The following PLCD3 variants were observed in gnomAD, a reference collection of about 807,000 sequenced individuals.
PLCD3 encodes phospholipase C delta 3.
PLCD3 carries 62 observed loss-of-function variants against 82.8 expected under a neutral mutation model. That is an observed-to-expected ratio of 0.75 (90% CI 0.61 to 0.93). The LOEUF (loss-of-function observed/expected upper bound fraction) is 0.93, where lower values mean the gene tolerates loss of function less well. PLCD3 is among the 40% of genes least tolerant of loss of function. The pLI, the probability that PLCD3 is intolerant of heterozygous loss-of-function variation, is 0.00. For synonymous variants in PLCD3, 478 were observed against 471.8 expected (o/e 1.01, Z -0.17); for missense variants, 1,023 against 1,103.4 (o/e 0.93, Z 1.03).
intron 4 of PLCD3, 69 bp from the exon 5 acceptor site, chr17:45,119,112 G>T: frequency 8.2e-7 from 1 of 1,222,558 alleles, no homozygotes; most frequent in Non-Finnish European, 1.1e-6. Flanking sequence ...TGACCCATCT[G>T]TCATCTACCA....
chr17:45,111,929 T>G lies in PLCD3; in HGVS notation c.*687A>C, dbSNP rs1265023589. The G allele has an allele frequency of 6.6e-6, 1 of 152,048 alleles. No individual in the cohort carries two copies. The highest frequency in any genetic ancestry group is 1.5e-5 in the Non-Finnish European group (1 of 68,212). 9.4% of individuals were successfully genotyped at this position (152,048 alleles called of 1,614,324 possible). A position where few individuals can be genotyped will look rare whatever the true frequency, so the allele number is the denominator to read the frequency against. ...GGCCTGTGCCTGTAGTCCCAGCTAC[T>G]CAGGAGGCTGAGATGGGAGGATCGC... On this transcript the variant is annotated 3_prime_UTR_variant, in exon 15 of 15. Transcript: ENST00000619929.
chr17:45,115,001 C>T, intron 10 of PLCD3, 93 bp downstream of exon 10: 1 of 1,486,272 alleles, frequency 6.7e-7, no homozygotes, highest in Non-Finnish European at 9.0e-7. Flanking sequence ...GACCTCTTTA[C>T]TGTCCCCCAA....
intron 1 of PLCD3, among the ~76,000 whole-genome samples, chr17:45,131,545 G>T (rs947404275): frequency 6.6e-6 from 1 of 152,244 alleles, no homozygotes; most frequent in Non-Finnish European, 1.5e-5. Context: ...ATTCCTTGCC[G>T]TCTCTGAGTC....
chr17:45,119,017 A>C lies in PLCD3; in HGVS notation c.711T>G (p.Arg237=), dbSNP rs939361299. The C allele has an allele frequency of 3.1e-6, 5 of 1,610,900 alleles. No homozygotes were observed. In the African/African-American group the frequency reaches 6.7e-5, roughly 22 times the overall value. ...FKECDHSNND[R]LEGAEIEEFL... The stretch of plus-strand genomic sequence containing the variant: ...ACTCCTCGATCTCAGCCCCCTCTAG[A>C]CGGTCGTTGTTGGAGTGGTCACACT... Residue 237 remains arginine, a synonymous_variant, in exon 5 of 15, where the codon CGT becomes CGG. Transcript: ENST00000619929.
Position 45,110,460 on chromosome 17 carries a change from G to T in PLCD3, c.*2156C>A. The T allele has an allele frequency of 8.3e-6, 1 of 120,872 alleles. No homozygotes were observed. Among genetic ancestry groups the T allele is most frequent in the Non-Finnish European group, 1.8e-5 (1 of 56,980 alleles). 7.5% of individuals were successfully genotyped at this position (120,872 alleles called of 1,614,324 possible). ...TTTGTCTCAAAAGAAAAAAAAAAAAGACTCTTGCCCTTTCAAGGCAGCCTT... is the reference window on the plus strand; with the variant it reads ...TTTGTCTCAAAAGAAAAAAAAAAAATACTCTTGCCCTTTCAAGGCAGCCTT... On this transcript the variant is annotated 3_prime_UTR_variant, in exon 15 of 15. Coordinates refer to ENST00000619929, the MANE Select transcript of PLCD3 (RefSeq NM_133373.5).
chr17:45,125,567 G>A (rs1403745382), intron 1 of PLCD3, among the ~76,000 whole-genome samples: 2 of 152,260 alleles, frequency 1.3e-5, no homozygotes, highest in Admixed American at 1.3e-4. Context: ...CTATACTCCA[G>A]CCTGGGAGAC....
At chr17:45,128,666 G>A (rs554366006) in intron 1 of PLCD3, among the ~76,000 whole-genome samples, 49 of 152,356 alleles carry the variant, frequency 3.2e-4, no homozygotes, top group African/African-American at 1.0e-3. Flanking sequence ...GGGCAGGGGC[G>A]GAGCATCAGG....
chr17:45,120,783 C>A (rs2054330066), intron 3 of PLCD3, 119 bp downstream of exon 3: 2 of 1,157,874 alleles, frequency 1.7e-6, no homozygotes, highest in African/African-American at 2.1e-5. Flanking sequence ...CGACCCAGAC[C>A]GTGCGCCCTC....
Position 45,118,420 on chromosome 17 carries a change from T to C in PLCD3, c.986A>G (p.Asp329Gly). 6.2e-7 allele frequency: 1 copy of C among 1,613,980 alleles called. No individual in the cohort carries two copies. Among genetic ancestry groups the C allele is most frequent in the Non-Finnish European group, 8.5e-7 (1 of 1,179,880 alleles). Residue 329 changes from aspartate to glycine, a missense_variant, in exon 6 of 15, where the codon GAC becomes GGC. Physicochemically the swap from Asp to Gly is moderately conservative, Grantham distance 94. Around this residue, in one of 3 missense-constraint regions of PLCD3, gnomAD observed 553 missense variants for 655.7 expected, o/e 0.84. Transcript: ENST00000619929. This position sits in a 1 kb window ranked among gnomAD's most constrained non-coding sequence, Gnocchi z 4.1. The part of the protein sequence containing the change: ...YLLSPEGAAL[D>G]NTHTCVFQDM... ...CTGGAACACACACGTGTGGGTGTTG[T>C]CCAAGGCAGCCCCCTCCGGCGACAA...
At position 45,116,627 on chromosome 17, in the gene PLCD3, G is replaced by A. The variant is rs375059626; in HGVS notation, c.1413+5C>T. 2.0e-4 allele frequency: 321 copies of A among 1,569,358 alleles called. 1 individual carries two copies. Among genetic ancestry groups the A allele is most frequent in the Non-Finnish European group, 2.6e-4 (297 of 1,155,588 alleles). Reference sequence around the variant, plus strand: ...CCACCCAGGCTAGGGGCTGGGGGGCGTCACCTCTGGGGATGGCAGCTCCTC... The same window carrying A: ...CCACCCAGGCTAGGGGCTGGGGGGCATCACCTCTGGGGATGGCAGCTCCTC... On this transcript the variant is annotated splice_donor_5th_base_variant and intron_variant, in intron 8 of 14. Transcript: ENST00000619929.
rs2054335956 is a variant in PLCD3, at chr17:45,121,171, C to G, written c.325+40G>C. 3 of 1,538,090 alleles carry G rather than the reference C, an allele frequency of 2.0e-6. No homozygotes were observed. In the East Asian group the frequency reaches 7.2e-5, roughly 37 times the overall value. On this transcript the variant is annotated intron_variant, in intron 2 of 14. Transcript: ENST00000619929. The stretch of plus-strand genomic sequence containing the variant: ...GGTCAGGGCGGAGGACCGGGCCTGT[C>G]CCCACCTCCCTGTCCGCCCGGCGCT...
intron 1 of PLCD3, among the ~76,000 whole-genome samples, chr17:45,121,645 C>T (rs950167345): frequency 6.6e-6 from 1 of 152,254 alleles, no homozygotes; most frequent in African/African-American, 2.4e-5. Context: ...TCTGCAGTCC[C>T]TCAGTGTGGA....
In PLCD3 at chr17:45,120,901, T is replaced by C. The variant is rs2054331672; in HGVS notation, c.554+1A>G. ...CCTCCCTCCCAGCCCCGGCAGGATATTGGTCTAGCCGCTCGCGCTGGCTCA... is the reference window on the plus strand; with the variant it reads ...CCTCCCTCCCAGCCCCGGCAGGATACTGGTCTAGCCGCTCGCGCTGGCTCA... On this transcript the variant is annotated splice_donor_variant, in intron 3 of 14. Transcript: ENST00000619929. LOFTEE classifies it high-confidence loss of function. The C allele has an allele frequency of 4.2e-6, 6 of 1,427,292 alleles. No homozygotes were observed. Among genetic ancestry groups the C allele is most frequent in the African/African-American group, 1.5e-5 (1 of 67,448 alleles). The allele number at this position is 1,427,292 out of a possible 1,614,324, so 88.4% of individuals were successfully genotyped here.
chr17:45,128,008 C>T (rs990722369), intron 1 of PLCD3, among the ~76,000 whole-genome samples: 3 of 152,022 alleles, frequency 2.0e-5, no homozygotes, highest in Non-Finnish European at 2.9e-5. Context: ...TCCAGGTGGC[C>T]GGGGCTGTGA....
chr17:45,116,736 C>T lies in PLCD3; in HGVS notation c.1309G>A (p.Glu437Lys). ...ILSLENHCGL[E>K]QQAAMARHLC... The stretch of plus-strand genomic sequence containing the variant: ...TGGCGGGCCATGGCAGCCTGCTGCT[C>T]CAGCCCGCAGTGGTTCTCCAGGGAT... Residue 437 changes from glutamate (E) to lysine (K), a missense_variant, in exon 8 of 15, where the codon GAG becomes AAG. Around this residue, in one of 3 missense-constraint regions of PLCD3, gnomAD observed 553 missense variants for 655.7 expected, o/e 0.84. Coordinates refer to ENST00000619929, the MANE Select transcript of PLCD3 (RefSeq NM_133373.5). 1.2e-6 allele frequency: 2 copies of T among 1,609,720 alleles called. No homozygotes were observed. The highest frequency in any genetic ancestry group is 1.1e-5 in the South Asian group (1 of 90,694).
chr17:45,114,656 T>G (rs61516629), intron 10 of PLCD3, among the ~76,000 whole-genome samples: 4,102 of 152,212 alleles, frequency 0.027, 105 homozygotes, highest in South Asian at 0.053. Context: ...CTGTGGTTCC[T>G]GGAATTCTTC....
In PLCD3 at chr17:45,118,690, G is replaced by A. The variant is rs2054311656; in HGVS notation, c.913+125C>T. The stretch of plus-strand genomic sequence containing the variant: ...GTTGTGCCATTTTACACATGTGGAA[G>A]CTGAGTCTGGAGGAGGTGAGGTAAC... On this transcript the variant is annotated intron_variant, in intron 5 of 14. Transcript: ENST00000619929. This position sits in a 1 kb window ranked among gnomAD's most constrained non-coding sequence, Gnocchi z 4.1. The A allele has an allele frequency of 2.6e-6, 3 of 1,148,724 alleles. No homozygotes were observed. Among genetic ancestry groups the A allele is most frequent in the South Asian group, 3.1e-5 (2 of 64,836 alleles). The allele number at this position is 1,148,724 out of a possible 1,614,324, so 71.2% of individuals were successfully genotyped here.
chr17:45,126,031 A>C (rs2054378601), intron 1 of PLCD3, among the ~76,000 whole-genome samples: 1 of 148,466 alleles, frequency 6.7e-6, no homozygotes. Flanking sequence ...ATTTCATTAT[A>C]TATATTTTAC....
At chr17:45,123,830 G>A (rs1323023996) in intron 1 of PLCD3, among the ~76,000 whole-genome samples, 1 of 152,184 alleles carries the variant, frequency 6.6e-6, no homozygotes, top group African/African-American at 2.4e-5. Context: ...TCAGGGTCTA[G>A]ACTGTGGCCC....
Sources: gnomAD v4.1 joint callset for allele counts (sites outside exome capture counted in the v4.1 genomes callset) on GRCh38, gnomAD v4.1.1 for gene constraint, gnomAD v4.1.1 regional missense constraint, Gnocchi (gnomAD v3.1) non-coding constraint, MANE v1.5 for transcripts, NCBI Gene and HGNC (gene_info 2026-07-23, HGNC 2026-07-21) for gene names.